The following VPS51 variants were observed in gnomAD, a reference collection of about 807,000 sequenced individuals.
The protein encoded by VPS51 is vacuolar protein sorting-associated protein 51 homolog.
A neutral mutation model predicts 65.1 loss-of-function variants in VPS51; 55 were observed. The ratio of observed to expected loss-of-function variants is 0.84; its 90% CI spans 0.68 to 1.06. The LOEUF (loss-of-function observed/expected upper bound fraction) is 1.06, where lower values mean the gene tolerates loss of function less well. VPS51 is among the 50% of genes least tolerant of loss of function. VPS51 has a pLI of 0.00. For missense variants in VPS51, 943 were observed against 1,101.6 expected, an observed-to-expected ratio of 0.86 and a Z score of 2.04; for synonymous variants, 473 against 489.5, an observed-to-expected ratio of 0.97 and a Z score of 0.44.
intron 9 of VPS51, 83 bp downstream of exon 9, chr11:65,110,864 C>G: frequency 1.3e-6 from 2 of 1,559,068 alleles, no homozygotes; most frequent in Non-Finnish European, 1.8e-6. Context: ...CAAGGAGCCC[C>G]AGGACTCTGT....
In VPS51 at chr11:65,108,867, C is replaced by CT; in HGVS notation, c.1400dup (p.Thr468HisfsTer16). ...TAAGGCCTCTCTGGCAGCAGTGCAC[C>CT]TTTTCACCGCCAAAGAGGTGTCCTT... On this transcript the variant is annotated frameshift_variant, in exon 5 of 10. Coordinates refer to ENST00000279281, the MANE Select transcript of VPS51 (RefSeq NM_013265.4). LOFTEE classifies it high-confidence loss of function. 1 of 1,613,032 alleles carries CT rather than the reference C, an allele frequency of 6.2e-7. No individual in the cohort carries two copies. Among genetic ancestry groups the CT allele is most frequent in the Non-Finnish European group, 8.5e-7 (1 of 1,180,012 alleles).
At chr11:65,110,180 A>G (rs868660783) in intron 7 of VPS51, 4 of 621,448 alleles carry the variant, frequency 6.4e-6, no homozygotes, top group South Asian at 4.0e-5. Context: ...GCCCAGGATT[A>G]TGACATCTTC....
At chr11:65,105,767 A>G (rs964350469) in intron 2 of VPS51, among the ~76,000 whole-genome samples, 4 of 152,206 alleles carry the variant, frequency 2.6e-5, no homozygotes, top group African/African-American at 9.7e-5. Flanking sequence ...ATTTCTGACC[A>G]ACTGGCTCCA....
chr11:65,110,958 C>A, intron 9 of VPS51, 177 bp downstream of exon 9: 1 of 728,080 alleles, frequency 1.4e-6, no homozygotes, highest in Middle Eastern at 3.7e-4. Flanking sequence ...CCTCCAAATC[C>A]CACAGCCCTT....
rs1470103847 is a variant in VPS51, at chr11:65,107,193, C to A, written c.359-388C>A. The A allele has an allele frequency of 6.3e-6, 3 of 477,978 alleles. No homozygotes were observed. Among genetic ancestry groups the A allele is most frequent in the Non-Finnish European group, 1.2e-5 (3 of 242,174 alleles). The allele number at this position is 477,978 out of a possible 1,614,324, so 29.6% of individuals were successfully genotyped here. ...AATGTATTGCCTCATCCAGGCAGTG[C>A]GCTGGACACGCAGATGCGCTTGGGA... On this transcript the variant is annotated intron_variant, in intron 2 of 9. Coordinates refer to ENST00000279281, the MANE Select transcript of VPS51 (RefSeq NM_013265.4). This position sits in a 1 kb window ranked among gnomAD's most constrained non-coding sequence, Gnocchi z 4.0.
chr11:65,105,669 C>A (rs1430506524), intron 2 of VPS51, among the ~76,000 whole-genome samples: 2 of 152,196 alleles, frequency 1.3e-5, no homozygotes, highest in African/African-American at 2.4e-5. Context: ...AGTCCCCAAG[C>A]CTGCCTCCCT....
intron 6 of VPS51, 93 bp from the exon 7 acceptor site, chr11:65,109,607 TCCACC>T: frequency 8.6e-6 from 13 of 1,516,204 alleles, no homozygotes; most frequent in Non-Finnish European, 1.2e-5. Flanking sequence ...TACCCCAGCC[TCCACC>T]TTGCCCAATC....
intron 2 of VPS51, among the ~76,000 whole-genome samples, chr11:65,105,923 A>T (rs1245803119): frequency 6.6e-6 from 1 of 152,230 alleles, no homozygotes; most frequent in Non-Finnish European, 1.5e-5. Flanking sequence ...TAGGAGAAGG[A>T]GCATGGAGTT....
Position 65,096,488 on chromosome 11 carries a change from C to G in VPS51, c.228+10C>G. ...AGTTTACCTAGACAAGGTGTGTGCG[C>G]ACGGGGAGTGGGGGGGTGCGGGGAG... On this transcript the variant is annotated intron_variant, in intron 1 of 9. Coordinates refer to ENST00000279281, the MANE Select transcript of VPS51 (RefSeq NM_013265.4). 1 of 1,033,242 alleles carries G rather than the reference C, an allele frequency of 9.7e-7. No homozygotes were observed. The allele number at this position is 1,033,242 out of a possible 1,614,324, so 64.0% of individuals were successfully genotyped here. A position where few individuals can be genotyped will look rare whatever the true frequency, so the allele number is the denominator to read the frequency against.
At position 65,109,257 on chromosome 11, in the gene VPS51, G is replaced by A. The variant is rs1159362555; in HGVS notation, c.1444-23G>A. ...TACCTGGAAGAGGGGACCTGCTGTG[G>A]ACCTGGGCACCTTCTCTTGCAGGGT... is the stretch of plus-strand genomic sequence containing the variant. On this transcript the variant is annotated intron_variant, in intron 5 of 9. Transcript: ENST00000279281. 4 of 1,603,038 alleles carry A rather than the reference G, an allele frequency of 2.5e-6. No individual in the cohort carries two copies. The South Asian group carries it at 4.4e-5, about 18-fold the overall frequency.
At chr11:65,096,881 G>C in intron 1 of VPS51, 117 bp from the exon 2 acceptor site, 1 of 1,463,184 alleles carries the variant, frequency 6.8e-7, no homozygotes, top group South Asian at 1.3e-5. Context: ...AGCCGGCGGG[G>C]GTTTGCGGGG....
intron 4 of VPS51, 78 bp from the exon 5 acceptor site, chr11:65,108,118 GT>G: frequency 1.3e-6 from 2 of 1,545,342 alleles, no homozygotes; most frequent in Non-Finnish European, 1.7e-6. Flanking sequence ...CCCCTGCCCT[GT>G]GTGTGCTTTG....
chr11:65,108,856 C>G lies in VPS51; in HGVS notation c.1385C>G (p.Ala462Gly). 6.2e-7 allele frequency: 1 copy of G among 1,613,056 alleles called. No individual in the cohort carries two copies. Among genetic ancestry groups the G allele is most frequent in the Non-Finnish European group, 8.5e-7 (1 of 1,180,012 alleles). ...CTGAGCCACATTAAGGCCTCTCTGG[C>G]AGCAGTGCACCTTTTCACCGCCAAA... ...SILSHIKASL[A>G]AVHLFTAKEV... is the part of the protein sequence containing the mutation. The change falls in exon 5 of 10, where the codon GCA (alanine) becomes GGA (glycine). Residue 462 changes from alanine to glycine, a missense_variant. Transcript: ENST00000279281.
chr11:65,096,569 T>G (rs1255159847), intron 1 of VPS51, 91 bp downstream of exon 1: 14 of 1,159,552 alleles, frequency 1.2e-5, no homozygotes, highest in Non-Finnish European at 1.7e-5. Flanking sequence ...GCCTCCGACT[T>G]TTTGTGAGGT....
intron 2 of VPS51, among the ~76,000 whole-genome samples, chr11:65,101,102 C>G (rs1464781413): frequency 6.6e-6 from 1 of 152,052 alleles, no homozygotes; most frequent in Non-Finnish European, 1.5e-5. Context: ...TAATGGTTGC[C>G]AAGTTCTAGG....
rs72932836 is a variant in VPS51, at chr11:65,108,918, C to T, written c.1443+4C>T. Reference sequence around the variant, plus strand: ...CTCCAACAAGCCCTACTTCCGGGTACGCCTCCTCTTGGGTGTTCCTTGTTC... The same window carrying T: ...CTCCAACAAGCCCTACTTCCGGGTATGCCTCCTCTTGGGTGTTCCTTGTTC... On this transcript the variant is annotated splice_donor_region_variant and intron_variant, in intron 5 of 9. Transcript: ENST00000279281. 0.012 allele frequency: 19,957 copies of T among 1,612,736 alleles called. 153 individuals carry two copies. The highest frequency in any genetic ancestry group is 0.014 in the Non-Finnish European group (16,912 of 1,179,792).
rs1010928160 is a variant in VPS51 at position 65,107,014 on chromosome 11, T to G, written c.359-567T>G. 1.3e-5 allele frequency among the ~76,000 whole-genome samples: 2 copies of G among 152,032 alleles called. No homozygotes were observed. Among genetic ancestry groups the G allele is most frequent in the Non-Finnish European group, 2.9e-5 (2 of 68,002 alleles). ...ATTTAGAAGCATGAAGGGACCAGGC[T>G]CCCAGGCACCTGGTGTGTGAAAGGA... On this transcript the variant is annotated intron_variant, in intron 2 of 9. Transcript: ENST00000279281. This position sits in a 1 kb window ranked among gnomAD's most constrained non-coding sequence, Gnocchi z 4.0.
Position 65,108,744 on chromosome 11 carries a change from G to A in VPS51, c.1273G>A (p.Val425Ile). 1 of 1,611,358 alleles carries A rather than the reference G, an allele frequency of 6.2e-7. No individual in the cohort carries two copies. The highest frequency in any genetic ancestry group is 8.5e-7 in the Non-Finnish European group (1 of 1,179,728). The change falls in exon 5 of 10, where the codon GTC becomes ATC. Residue 425 changes from valine (V) to isoleucine (I), a missense_variant. Coordinates refer to ENST00000279281, the MANE Select transcript of VPS51 (RefSeq NM_013265.4). ...GGCCTTCCTGGGCTGCCTGACAGAC[G>A]TCCGCCAGGCGCTGGCAGCACCTCG... The part of the protein sequence containing the change: ...RAAFLGCLTD[V>I]RQALAAPRVA...
Position 65,107,529 on chromosome 11 carries a change from G to A in VPS51, c.359-52G>A. 3 of 1,538,096 alleles carry A rather than the reference G, an allele frequency of 2.0e-6. No homozygotes were observed. Among genetic ancestry groups the A allele is most frequent in the South Asian group, 2.5e-5 (2 of 80,258 alleles). On this transcript the variant is annotated intron_variant, in intron 2 of 9. Coordinates refer to ENST00000279281, the MANE Select transcript of VPS51 (RefSeq NM_013265.4). The surrounding 1 kb of genome is among the most constrained non-coding windows in gnomAD (Gnocchi z 4.0). ...GTGGGTGAGAAGGAGCTGAGGTTGC[G>A]CCCGCCCTGCAGTCACCTGCTCTCC... is the stretch of plus-strand genomic sequence containing the variant.
Sources: gnomAD v4.1 joint callset for allele counts (sites outside exome capture counted in the v4.1 genomes callset) on GRCh38, gnomAD v4.1.1 for gene constraint, Gnocchi (gnomAD v3.1) non-coding constraint, MANE v1.5 for transcripts, NCBI Gene and HGNC (gene_info 2026-07-23, HGNC 2026-07-21) for gene names.